Variants in TNFRSF10A observed in about 807,000 individuals in gnomAD.
TNFRSF10A encodes the protein tumor necrosis factor receptor superfamily member 10A.
TNFRSF10A carries 44 observed loss-of-function variants against 42.8 expected under a neutral mutation model. That is an observed-to-expected ratio of 1.03 (90% CI 0.81 to 1.32). The LOEUF is 1.32. Ranked by LOEUF, TNFRSF10A falls within the 40% of genes most tolerant of loss-of-function variation. The probability of loss-of-function intolerance (pLI) is 0.00; values close to 1 mark genes in which losing one functional copy is unlikely to be tolerated. For missense variants in TNFRSF10A, 680 were observed against 602.0 expected (o/e 1.13, Z -1.36); for synonymous variants, 259 against 234.2 (o/e 1.11, Z -0.97).
chr8:23,201,696 C>T, intron 4 of TNFRSF10A, 112 bp downstream of exon 4: 1 of 978,070 alleles, frequency 1.0e-6, no homozygotes, highest in Non-Finnish European at 1.6e-6. Flanking sequence ...GGTGGAGGCA[C>T]CATGGGGTCA....
At chr8:23,210,450 G>A (rs568186665) in intron 2 of TNFRSF10A, among the ~76,000 whole-genome samples, 1 of 152,280 alleles carries the variant, frequency 6.6e-6, no homozygotes, top group African/African-American at 2.4e-5. Context: ...GGAAGGCTGA[G>A]GCAGGCAGAT....
At chr8:23,224,705 T>A in intron 1 of TNFRSF10A, 51 bp downstream of exon 1, 7 of 1,528,284 alleles carry the variant, frequency 4.6e-6, no homozygotes, top group Non-Finnish European at 6.2e-6. Flanking sequence ...CTCTGCCCCC[T>A]CCCGGTGCCA....
In TNFRSF10A at chr8:23,204,644, T is replaced by C. The variant is rs1156588032; in HGVS notation, c.404-1883A>G. On this transcript the variant is annotated intron_variant, in intron 2 of 9. Transcript: ENST00000221132. ...ATAGAACATTCTCCAAAATAAACCA[T>C]ATGCTTGGCCATAAGATAAACCTCA... Among the ~76,000 whole-genome samples the C allele has an allele frequency of 3.3e-5, 5 of 152,250 alleles. No homozygotes were observed. The East Asian group carries it at 5.8e-4, about 18-fold the overall frequency.
intron 2 of TNFRSF10A, among the ~76,000 whole-genome samples, chr8:23,203,845 TG>T (rs997201104): frequency 5.1e-4 from 77 of 151,750 alleles, no homozygotes; most frequent in Non-Finnish European, 8.1e-4. Flanking sequence ...GGCGTGATCT[TG>T]GCTCACTGTA....
chr8:23,202,606 C>T (rs747815733), intron 3 of TNFRSF10A, 42 bp downstream of exon 3: 1 of 1,529,204 alleles, frequency 6.5e-7, no homozygotes, highest in South Asian at 1.1e-5. Context: ...ACCTCACTGC[C>T]CCTCACTCCA....
chr8:23,208,646 C>T (rs1055661555), intron 2 of TNFRSF10A, among the ~76,000 whole-genome samples: 10 of 151,980 alleles, frequency 6.6e-5, no homozygotes, highest in African/African-American at 2.4e-4. Context: ...TTAGTAGAGA[C>T]GGGGTTTCAC....
Position 23,212,137 on chromosome 8 carries a change from A to G in TNFRSF10A, c.382T>C (p.Leu128=). The G allele has an allele frequency of 6.2e-7, 1 of 1,613,704 alleles. No individual in the cohort carries two copies. Among genetic ancestry groups the G allele is most frequent in the South Asian group, 1.1e-5 (1 of 91,082 alleles). The change falls in exon 2 of 10, where the codon TTG becomes CTG. Residue 128 remains leucine (L), a synonymous_variant. Transcript: ENST00000221132. The part of the protein sequence containing the change: ...IGTQQWEHSP[L]GELCPPGSHR... ...GTACCTGGTGGACACAACTCTCCCAAAGGGCTATGTTCCCATTGCTGTGTG... is the reference window on the plus strand; with the variant it reads ...GTACCTGGTGGACACAACTCTCCCAGAGGGCTATGTTCCCATTGCTGTGTG...
chr8:23,213,572 C>T (rs1481617342), intron 1 of TNFRSF10A, among the ~76,000 whole-genome samples: 1 of 151,526 alleles, frequency 6.6e-6, no homozygotes, highest in Non-Finnish European at 1.5e-5. Context: ...CTCAGCCTCC[C>T]GAGTAGCTGG....
At chr8:23,194,797 T>C (rs1340652363) in intron 9 of TNFRSF10A, among the ~76,000 whole-genome samples, 1 of 152,176 alleles carries the variant, frequency 6.6e-6, no homozygotes, top group African/African-American at 2.4e-5. Flanking sequence ...AAGTAAATTT[T>C]TCATATAATT....
rs925124755 is a variant in TNFRSF10A, at chr8:23,210,861, A to C, written c.403+1255T>G. 8.5e-5 allele frequency among the ~76,000 whole-genome samples: 13 copies of C among 152,330 alleles called. No homozygotes were observed. In the East Asian group the frequency reaches 2.1e-3, roughly 25 times the overall value. On this transcript the variant is annotated intron_variant, in intron 2 of 9. Transcript: ENST00000221132. ...AAAACACAGAGAAAGCATTTTACTA[A>C]CTCCAACACCCTTTCATGATAAAAA...
chr8:23,193,742 C>G (rs1800785409), intron 9 of TNFRSF10A, among the ~76,000 whole-genome samples: 1 of 152,184 alleles, frequency 6.6e-6, no homozygotes, highest in Admixed American at 6.5e-5. Context: ...ACTCTTGGAG[C>G]TTGTTTGTTG....
intron 9 of TNFRSF10A, among the ~76,000 whole-genome samples, chr8:23,195,772 T>C (rs1800815191): frequency 6.6e-6 from 1 of 152,100 alleles, no homozygotes; most frequent in Non-Finnish European, 1.5e-5. Flanking sequence ...AGAAACACAA[T>C]CTTTTAGTAT....
intron 1 of TNFRSF10A, among the ~76,000 whole-genome samples, chr8:23,213,625 T>G (rs1363439102): frequency 1.6e-5 from 2 of 121,418 alleles, no homozygotes; most frequent in Non-Finnish European, 3.8e-5. Context: ...GTTTTTTGTA[T>G]TTTTATTAGA....
rs367851966 is a variant in TNFRSF10A at position 23,220,267 on chromosome 8, T to C, written c.306+4489A>G. Among the ~76,000 whole-genome samples the C allele has an allele frequency of 4.0e-4, 61 of 152,226 alleles. 1 individual carries two copies. Among genetic ancestry groups the C allele is most frequent in the South Asian group, 3.7e-3 (18 of 4,822 alleles). On this transcript the variant is annotated intron_variant, in intron 1 of 9. Coordinates refer to ENST00000221132, the MANE Select transcript of TNFRSF10A (RefSeq NM_003844.4). ...TCCCCAGACAAAATGAGAGCAACAA[T>C]CCCCACATCCCTGGGTTAGGAAAAT...
At chr8:23,218,288 G>A (rs926024145) in intron 1 of TNFRSF10A, among the ~76,000 whole-genome samples, 1 of 152,086 alleles carries the variant, frequency 6.6e-6, no homozygotes, top group South Asian at 2.1e-4. Flanking sequence ...TCACCAGGGG[G>A]TTTCCTTGCC....
At chr8:23,197,076 G>A in intron 9 of TNFRSF10A, 56 bp downstream of exon 9, 4 of 1,608,454 alleles carry the variant, frequency 2.5e-6, no homozygotes, top group Non-Finnish European at 3.4e-6. Context: ...ACACCAGTTA[G>A]GACACCGTCC....
chr8:23,207,609 C>T (rs996531688), intron 2 of TNFRSF10A, among the ~76,000 whole-genome samples: 4 of 152,098 alleles, frequency 2.6e-5, no homozygotes, highest in Admixed American at 6.6e-5. Flanking sequence ...CTTGAATTCC[C>T]GTAAGTTGTG....
At chr8:23,207,516 G>A (rs1801032879) in intron 2 of TNFRSF10A, 1 of 339,384 alleles carries the variant, frequency 2.9e-6, no homozygotes, top group Non-Finnish European at 5.7e-6. Context: ...TTTAAAGACA[G>A]CAGAGGAAGG....
chr8:23,224,654 A>T, intron 1 of TNFRSF10A, 102 bp downstream of exon 1: 1 of 1,406,952 alleles, frequency 7.1e-7, no homozygotes, highest in East Asian at 2.6e-5. Context: ...GCCCCGCCAC[A>T]AGTGACCCGG....
Sources: allele counts gnomAD v4.1 joint callset (sites outside exome capture counted in the v4.1 genomes callset), GRCh38; gene constraint gnomAD v4.1.1; transcripts MANE v1.5; gene names NCBI Gene and HGNC (gene_info 2026-07-23, HGNC 2026-07-21).